The following OSBPL3 variants were observed in gnomAD, a reference collection of about 807,000 sequenced individuals.
The protein encoded by OSBPL3 is oxysterol binding protein like 3, also known as oxysterol-binding protein-related protein 3.
Under a neutral mutation model 120.1 loss-of-function variants are expected in OSBPL3, and 65 were observed. The observed-to-expected ratio is 0.54, with a 90% CI of 0.44 to 0.67. The LOEUF is 0.67. Ranked by LOEUF, OSBPL3 falls within the 30% of genes least tolerant of loss-of-function variation. OSBPL3 has a pLI of 0.00. For missense variants in OSBPL3, 1,004 were observed against 1,082.1 expected (o/e 0.93, Z 1.01); for synonymous variants, 416 against 402.6 (o/e 1.03, Z -0.40).
intron 1 of OSBPL3, among the ~76,000 whole-genome samples, chr7:24,969,284 C>T: frequency 6.6e-6 from 1 of 152,154 alleles, no homozygotes; most frequent in Non-Finnish European, 1.5e-5. Context: ...CATCTGTATG[C>T]CATTTCGTGA....
chr7:24,948,145 A>G (rs1437819094), intron 1 of OSBPL3, among the ~76,000 whole-genome samples: 1 of 152,236 alleles, frequency 6.6e-6, no homozygotes, highest in East Asian at 1.9e-4. Context: ...ACAAAGCGAG[A>G]GAGAGAAGAT....
chr7:24,958,940 CT>C (rs1815395786), intron 1 of OSBPL3, among the ~76,000 whole-genome samples: 3 of 152,092 alleles, frequency 2.0e-5, no homozygotes, highest in Non-Finnish European at 4.4e-5. Context: ...TGTTTTAACA[CT>C]GAAATTCTGG....
chr7:24,960,025 A>G (rs1815540581), intron 1 of OSBPL3, among the ~76,000 whole-genome samples: 1 of 152,230 alleles, frequency 6.6e-6, no homozygotes, highest in Admixed American at 6.5e-5. Context: ...CTTAAATGGT[A>G]CCAAAATAGC....
rs113087696 is a variant in OSBPL3 at position 24,979,688 on chromosome 7, T to C, written c.-150+198A>G. Among the ~76,000 whole-genome samples the C allele has an allele frequency of 2.8e-4, 43 of 152,152 alleles. 1 individual carries two copies. Among genetic ancestry groups the C allele is most frequent in the African/African-American group, 1.0e-3 (43 of 41,550 alleles). ...GGGGTGGGTGAGACCCGGGTCCTCC[T>C]TCCCCGGGAGCTGCAGCCGGCACCC... On this transcript the variant is annotated intron_variant, in intron 1 of 22. Coordinates refer to ENST00000313367, the MANE Select transcript of OSBPL3 (RefSeq NM_015550.4).
intron 10 of OSBPL3, among the ~76,000 whole-genome samples, chr7:24,860,019 A>G (rs756851429): frequency 9.2e-5 from 14 of 152,308 alleles, no homozygotes; most frequent in Non-Finnish European, 1.6e-4. Context: ...TACATCTTAC[A>G]CATCTATGGT....
At chr7:24,920,402 G>A (rs527908022) in intron 1 of OSBPL3, among the ~76,000 whole-genome samples, 18 of 152,238 alleles carry the variant, frequency 1.2e-4, no homozygotes, top group African/African-American at 3.9e-4. Flanking sequence ...GCCATATATT[G>A]TATGATTCCA....
In OSBPL3 at chr7:24,824,256, G is replaced by A. The variant is rs896253369; in HGVS notation, c.1885-4018C>T. On this transcript the variant is annotated intron_variant, in intron 16 of 22. Transcript: ENST00000313367. The surrounding 1 kb of genome is among the most constrained non-coding windows in gnomAD (Gnocchi z 4.9). ...GTTCCCCTGGCAGTTAAGAATTCTG[G>A]TAATTTATAATTTATTTATATATCT... Among the ~76,000 whole-genome samples the A allele has an allele frequency of 2.0e-5, 3 of 152,118 alleles. No individual in the cohort carries two copies. The highest frequency in any genetic ancestry group is 7.2e-5 in the African/African-American group (3 of 41,426).
intron 10 of OSBPL3, among the ~76,000 whole-genome samples, chr7:24,861,209 T>A (rs1289668310): frequency 6.6e-6 from 1 of 152,256 alleles, no homozygotes; most frequent in Admixed American, 6.5e-5. Flanking sequence ...ATTTTTGATG[T>A]GACAATGCAA....
At chr7:24,915,680 TCTC>T (rs1809459766) in intron 1 of OSBPL3, among the ~76,000 whole-genome samples, 1 of 151,918 alleles carries the variant, frequency 6.6e-6, no homozygotes, top group Admixed American at 6.6e-5. Flanking sequence ...TTCAAGCTAT[TCTC>T]CTGCTTCAGC....
chr7:24,865,602 G>T, intron 6 of OSBPL3, 137 bp from the exon 7 acceptor site: 1 of 816,602 alleles, frequency 1.2e-6, no homozygotes, highest in Non-Finnish European at 1.9e-6. Flanking sequence ...TTCTAGCAAA[G>T]TACTAAGACC....
rs1816175967 is a variant in OSBPL3 at position 24,964,677 on chromosome 7, G to A, written c.-150+15209C>T. On this transcript the variant is annotated intron_variant, in intron 1 of 22. Coordinates refer to ENST00000313367, the MANE Select transcript of OSBPL3 (RefSeq NM_015550.4). The surrounding 1 kb of genome is among the most constrained non-coding windows in gnomAD (Gnocchi z 4.2). ...CACTAAGGAAAAGCTAAGGAAATCT[G>A]AATGAAGTATAGATTTTAGTTATTA... Among the ~76,000 whole-genome samples the A allele has an allele frequency of 6.6e-6, 1 of 152,192 alleles. No individual in the cohort carries two copies. The highest frequency in any genetic ancestry group is 1.5e-5 in the Non-Finnish European group (1 of 68,028).
At chr7:24,838,583 C>T (rs1032223644) in intron 14 of OSBPL3, among the ~76,000 whole-genome samples, 1 of 152,202 alleles carries the variant, frequency 6.6e-6, no homozygotes, top group African/African-American at 2.4e-5. Flanking sequence ...TAAGCTTTTC[C>T]TGGCTGGTGT....
Position 24,834,599 on chromosome 7 carries a change from T to C in OSBPL3, c.1633A>G (p.Met545Val). 1 of 1,614,226 alleles carries C rather than the reference T, an allele frequency of 6.2e-7. No homozygotes were observed. Among genetic ancestry groups the C allele is most frequent in the Non-Finnish European group, 8.5e-7 (1 of 1,180,040 alleles). ...AGGGGCTCGTTCAGCTCCACCGGCA[T>C]GGCCACCTTGGACAGGTCCTTCCCG... is the stretch of plus-strand genomic sequence containing the variant. ...NIGKDLSKVAMPVELNEPLNT... is the reference protein window; with the variant it reads ...NIGKDLSKVAVPVELNEPLNT... Residue 545 changes from methionine (M) to valine (V), a missense_variant, in exon 15 of 23, where the codon ATG becomes GTG. Transcript: ENST00000313367. This position sits in a 1 kb window ranked among gnomAD's most constrained non-coding sequence, Gnocchi z 5.2.
chr7:24,913,851 C>T lies in OSBPL3; in HGVS notation c.-149-21230G>A, dbSNP rs1350177320. On this transcript the variant is annotated intron_variant, in intron 1 of 22. Transcript: ENST00000313367. This position sits in a 1 kb window ranked among gnomAD's most constrained non-coding sequence, Gnocchi z 5.3. ...ACAAGGACCAAGGACCGTATCCCAT[C>T]AAAAACATACACCCAGAAATGGAAA... Among the ~76,000 whole-genome samples, 1 of 152,092 alleles carries T rather than the reference C, an allele frequency of 6.6e-6. No homozygotes were observed. The highest frequency in any genetic ancestry group is 1.5e-5 in the Non-Finnish European group (1 of 68,020).
In OSBPL3 at chr7:24,853,902, C is replaced by T. The variant is rs557017330; in HGVS notation, c.1028-1268G>A. Among the ~76,000 whole-genome samples, 6 of 152,250 alleles carry T rather than the reference C, an allele frequency of 3.9e-5. No individual in the cohort carries two copies. In the East Asian group the frequency reaches 1.2e-3, roughly 29 times the overall value. ...TTCAAAACAAAGTCTTACTGTCTAC[C>T]TTCTTGCTTGTTAGCCCTTCCAGCT... On this transcript the variant is annotated intron_variant, in intron 10 of 22. Transcript: ENST00000313367.
Position 24,841,076 on chromosome 7 carries a change from T to C in OSBPL3, c.1402-293A>G, listed in dbSNP as rs531202269. On this transcript the variant is annotated intron_variant, in intron 13 of 22. Coordinates refer to ENST00000313367, the MANE Select transcript of OSBPL3 (RefSeq NM_015550.4). ...TTCTGACTGCATTTTTAGAATTTAT[T>C]AGTGTTTGAGTAGAAGAAGTTACAA... Among the ~76,000 whole-genome samples, 19 of 152,334 alleles carry C rather than the reference T, an allele frequency of 1.2e-4. No individual in the cohort carries two copies. In the South Asian group the frequency reaches 3.9e-3, roughly 32 times the overall value.
At chr7:24,935,348 C>G (rs1392212251) in intron 1 of OSBPL3, among the ~76,000 whole-genome samples, 1 of 152,136 alleles carries the variant, frequency 6.6e-6, no homozygotes, top group Non-Finnish European at 1.5e-5. Flanking sequence ...TGGTAAGCTA[C>G]AGAACTTACT....
In OSBPL3 at chr7:24,968,262, T is replaced by C. The variant is rs1407633978; in HGVS notation, c.-150+11624A>G. 6.6e-6 allele frequency among the ~76,000 whole-genome samples: 1 copy of C among 152,236 alleles called. No homozygotes were observed. The highest frequency in any genetic ancestry group is 1.5e-5 in the Non-Finnish European group (1 of 68,040). Reference sequence around the variant, plus strand: ...AACAAAAATGTCCTCATGTGTTATGTTTCCTGATTTCCATGGTGTAAATAC... The same window carrying C: ...AACAAAAATGTCCTCATGTGTTATGCTTCCTGATTTCCATGGTGTAAATAC... On this transcript the variant is annotated intron_variant, in intron 1 of 22. Coordinates refer to ENST00000313367, the MANE Select transcript of OSBPL3 (RefSeq NM_015550.4). This position sits in a 1 kb window ranked among gnomAD's most constrained non-coding sequence, Gnocchi z 4.6.
rs1342167071 is a variant in OSBPL3, at chr7:24,972,329, T to G, written c.-150+7557A>C. On this transcript the variant is annotated intron_variant, in intron 1 of 22. Transcript: ENST00000313367. This position sits in a 1 kb window ranked among gnomAD's most constrained non-coding sequence, Gnocchi z 4.3. ...CAGGACTCTGCTCATCTCATCCTCC[T>G]TTGAGGATTCCCCAGCCACATTCTC... Among the ~76,000 whole-genome samples, 2 of 152,192 alleles carry G rather than the reference T, an allele frequency of 1.3e-5. No individual in the cohort carries two copies. Among genetic ancestry groups the G allele is most frequent in the African/African-American group, 4.8e-5 (2 of 41,450 alleles).
Sources: allele counts gnomAD v4.1 joint callset (sites outside exome capture counted in the v4.1 genomes callset), GRCh38; gene constraint gnomAD v4.1.1; non-coding constraint Gnocchi (gnomAD v3.1); transcripts MANE v1.5; gene names NCBI Gene and HGNC (gene_info 2026-07-23, HGNC 2026-07-21).